HBP1: variants seen among roughly 807,000 people sequenced by gnomAD.
HBP1 encodes HMG-box transcription factor 1.
Under a neutral mutation model 62.6 loss-of-function variants are expected in HBP1, and 20 were observed. The observed-to-expected ratio is 0.32, with a 90% CI of 0.22 to 0.46. HBP1 has a LOEUF of 0.46. HBP1 is among the 20% of genes least tolerant of loss of function. HBP1 has a pLI of 1.00. For synonymous variants in HBP1, 232 were observed against 206.2 expected (o/e 1.12, Z -1.07); for missense variants, 480 against 611.8 (o/e 0.78, Z 2.27).
chr7:107,198,949 C>T (rs1798062484), intron 9 of HBP1, among the ~76,000 whole-genome samples: 1 of 152,102 alleles, frequency 6.6e-6, no homozygotes, highest in South Asian at 2.1e-4. Flanking sequence ...ATGTTCTTTC[C>T]TACTGTGGAT....
chr7:107,201,355 T>G, intron 10 of HBP1, 59 bp from the exon 11 acceptor site: 1 of 1,008,260 alleles, frequency 9.9e-7, no homozygotes. Context: ...AGCTTTCATA[T>G]ATAGGATTAC....
At chr7:107,169,390 G>A (rs1050671097) in intron 1 of HBP1, among the ~76,000 whole-genome samples, 1 of 150,694 alleles carries the variant, frequency 6.6e-6, no homozygotes, top group African/African-American at 2.4e-5. Flanking sequence ...GGGCTTCGGG[G>A]CGGCGGCGCT....
chr7:107,202,291 T>TA lies in HBP1; in HGVS notation c.*862dup, dbSNP rs1798389216. ...TTACTGCAGTGCAACACTTGCACTT[T>TA]AATTTTCCTCCAACTGTCTAAAATT... On this transcript the variant is annotated 3_prime_UTR_variant, in exon 11 of 11. Coordinates refer to ENST00000222574, the MANE Select transcript of HBP1 (RefSeq NM_012257.4). The TA allele has an allele frequency of 6.6e-6, 1 of 152,658 alleles. No homozygotes were observed. Among genetic ancestry groups the TA allele is most frequent in the African/African-American group, 2.4e-5 (1 of 41,460 alleles). 9.5% of individuals were successfully genotyped at this position (152,658 alleles called of 1,614,324 possible). A position where few individuals can be genotyped will look rare whatever the true frequency, so the allele number is the denominator to read the frequency against.
chr7:107,194,463 C>G (rs1797791412), intron 8 of HBP1, among the ~76,000 whole-genome samples: 1 of 152,174 alleles, frequency 6.6e-6, no homozygotes, highest in South Asian at 2.1e-4. Flanking sequence ...ATACTGATTG[C>G]TAAGCATTCA....
intron 1 of HBP1, 37 bp downstream of exon 1, chr7:107,169,222 G>A: frequency 2.6e-6 from 2 of 772,122 alleles, no homozygotes; most frequent in Non-Finnish European, 3.4e-6. Context: ...GGTGGGGGTG[G>A]GGAAGGGAGG....
At position 107,170,045 on chromosome 7, in the gene HBP1, C is replaced by G. The variant is rs908129733; in HGVS notation, c.-16+860C>G. 8.1e-6 allele frequency: 8 copies of G among 985,270 alleles called. No homozygotes were observed. In the African/African-American group the frequency reaches 1.4e-4, roughly 17 times the overall value. 61.0% of individuals were successfully genotyped at this position (985,270 alleles called of 1,614,324 possible). On this transcript the variant is annotated intron_variant, in intron 1 of 10. Coordinates refer to ENST00000222574, the MANE Select transcript of HBP1 (RefSeq NM_012257.4). ...ATGCTGCGTGCTGTCTAGGGTGTTT[C>G]ACTCTCCGCTGTGCACTCTACACTC...
In HBP1 at chr7:107,169,102, G is replaced by T. The variant is rs1214418357; in HGVS notation, c.-99G>T. 9.4e-6 allele frequency: 12 copies of T among 1,281,424 alleles called. No individual in the cohort carries two copies. The Admixed American group carries it at 2.8e-4, about 30-fold the overall frequency. 79.4% of individuals were successfully genotyped at this position (1,281,424 alleles called of 1,614,324 possible). A position where few individuals can be genotyped will look rare whatever the true frequency, so the allele number is the denominator to read the frequency against. On this transcript the variant is annotated 5_prime_UTR_variant, in exon 1 of 11. Coordinates refer to ENST00000222574, the MANE Select transcript of HBP1 (RefSeq NM_012257.4). ...AACCCGCGCGGGGGAGGCCGACGTCGGTCGGAGAGGGGGTACGAGAGCTGC... is the reference window on the plus strand; with the variant it reads ...AACCCGCGCGGGGGAGGCCGACGTCTGTCGGAGAGGGGGTACGAGAGCTGC...
At chr7:107,190,706 G>A (rs1797610497) in intron 8 of HBP1, among the ~76,000 whole-genome samples, 1 of 152,148 alleles carries the variant, frequency 6.6e-6, no homozygotes, top group Non-Finnish European at 1.5e-5. Flanking sequence ...TATTTTTCTT[G>A]ATATAATAGT....
intron 8 of HBP1, among the ~76,000 whole-genome samples, chr7:107,193,963 A>G (rs143568802): frequency 5.9e-5 from 9 of 152,362 alleles, no homozygotes; most frequent in Non-Finnish European, 1.3e-4. Context: ...GGAGTTTGCC[A>G]TTAAGACTAA....
chr7:107,201,485 G>A lies in HBP1; in HGVS notation c.*54G>A. 1 of 1,163,200 alleles carries A rather than the reference G, an allele frequency of 8.6e-7. No individual in the cohort carries two copies. The highest frequency in any genetic ancestry group is 1.3e-6 in the Non-Finnish European group (1 of 776,312). 72.1% of individuals were successfully genotyped at this position (1,163,200 alleles called of 1,614,324 possible). A position where few individuals can be genotyped will look rare whatever the true frequency, so the allele number is the denominator to read the frequency against. On this transcript the variant is annotated 3_prime_UTR_variant, in exon 11 of 11. Transcript: ENST00000222574. The stretch of plus-strand genomic sequence containing the variant: ...ATTTGCATATACATTGACTCTTGAT[G>A]GAAAGACTTAAGAAGATCAAGGTCT...
intron 1 of HBP1, among the ~76,000 whole-genome samples, chr7:107,179,246 A>G (rs765193132): frequency 6.6e-4 from 101 of 152,156 alleles, no homozygotes; most frequent in African/African-American, 2.4e-3. Context: ...AAAGAGTCCT[A>G]TTAGTCTCAG....
chr7:107,184,263 TG>T (rs765073372), intron 3 of HBP1, among the ~76,000 whole-genome samples: 3 of 152,178 alleles, frequency 2.0e-5, no homozygotes, highest in Non-Finnish European at 4.4e-5. Flanking sequence ...GGGCAGTTTT[TG>T]GGCAAAAGAT....
At chr7:107,191,091 A>C (rs564574839) in intron 8 of HBP1, among the ~76,000 whole-genome samples, 3 of 152,332 alleles carry the variant, frequency 2.0e-5, no homozygotes, top group African/African-American at 7.2e-5. Context: ...TAATTATCAA[A>C]TCCATAGGCA....
At chr7:107,170,244 T>C in intron 1 of HBP1, 1 of 438,384 alleles carries the variant, frequency 2.3e-6, no homozygotes, top group Non-Finnish European at 3.0e-6. Context: ...GGAGTCCTAC[T>C]AACAGCTCGG....
At chr7:107,169,761 T>G in intron 1 of HBP1, 1 of 979,184 alleles carries the variant, frequency 1.0e-6, no homozygotes, top group Non-Finnish European at 1.2e-6. Context: ...GCGCTGGGGC[T>G]GAGCCGAGGG....
At chr7:107,176,182 T>C (rs576469269) in intron 1 of HBP1, among the ~76,000 whole-genome samples, 11 of 151,974 alleles carry the variant, frequency 7.2e-5, no homozygotes, top group African/African-American at 2.7e-4. Flanking sequence ...CGTGCCACCA[T>C]ACCTGGCTAA....
intron 2 of HBP1, among the ~76,000 whole-genome samples, chr7:107,182,167 A>T (rs1797138249): frequency 6.6e-6 from 1 of 152,196 alleles, no homozygotes; most frequent in Non-Finnish European, 1.5e-5. Context: ...CTCCTAGGTG[A>T]GGTACAAAAC....
At chr7:107,180,821 T>C (rs1797069962) in intron 2 of HBP1, among the ~76,000 whole-genome samples, 1 of 152,300 alleles carries the variant, frequency 6.6e-6, no homozygotes, top group South Asian at 2.1e-4. Context: ...CTAGTATTTA[T>C]TGAGTACTGG....
At chr7:107,197,721 C>T (rs1437383874) in intron 9 of HBP1, among the ~76,000 whole-genome samples, 4 of 152,126 alleles carry the variant, frequency 2.6e-5, no homozygotes, top group South Asian at 2.1e-4. Context: ...ATCTGTCAGT[C>T]ATTTGTGTGA....
Sources: allele counts gnomAD v4.1 joint callset (sites outside exome capture counted in the v4.1 genomes callset), GRCh38; gene constraint gnomAD v4.1.1; transcripts MANE v1.5; gene names NCBI Gene and HGNC (gene_info 2026-07-23, HGNC 2026-07-21).